TMEM132D: variants seen among roughly 807,000 people sequenced by gnomAD.
TMEM132D encodes mature OL transmembrane protein.
TMEM132D carries 21 observed loss-of-function variants against 62.3 expected under a neutral mutation model. That is an observed-to-expected ratio of 0.34 (90% CI 0.24 to 0.49). The LOEUF is 0.49. Among genes scored for constraint, TMEM132D ranks in the 20% least tolerant of loss-of-function variants. The probability of loss-of-function intolerance (pLI) is 0.99; values close to 1 mark genes in which losing one functional copy is unlikely to be tolerated. For synonymous variants in TMEM132D, 621 were observed against 575.6 expected (o/e 1.08, Z -1.13); for missense variants, 1,346 against 1,402.8 (o/e 0.96, Z 0.65).
chr12:129,213,343 AAAGTTTATCCAG>A lies in TMEM132D; in HGVS notation c.1300-3692_1300-3681del, dbSNP rs534947296. 3.8e-3 allele frequency among the ~76,000 whole-genome samples: 585 copies of A among 152,176 alleles called. 4 individuals carry two copies. Among genetic ancestry groups the A allele is most frequent in the African/African-American group, 0.013 (549 of 41,512 alleles). ...CCCTGTCTCTACAAACAAATAGAAAAAAGTTTATCCAGGTGTGATGGTACATGCCTGTAGTCC... is the reference window on the plus strand; with the variant it reads ...CCCTGTCTCTACAAACAAATAGAAAAGTGTGATGGTACATGCCTGTAGTCC... On this transcript the variant is annotated intron_variant, in intron 4 of 8. Transcript: ENST00000422113.
chr12:129,699,574 C>T (rs1881322632), intron 2 of TMEM132D, among the ~76,000 whole-genome samples: 1 of 152,190 alleles, frequency 6.6e-6, no homozygotes, highest in Admixed American at 6.5e-5. Flanking sequence ...AGCAGCCCCC[C>T]GGCTGCCCTA....
rs1876208908 is a variant in TMEM132D at position 129,126,235 on chromosome 12, A to G, written c.1444-41533T>C. ...AATCCCTCTATATTTATATCTATGG[A>G]TCCATATTCATATCTTATCTGTGGC... On this transcript the variant is annotated intron_variant, in intron 5 of 8. Coordinates refer to ENST00000422113, the MANE Select transcript of TMEM132D (RefSeq NM_133448.3). Among the ~76,000 whole-genome samples the G allele has an allele frequency of 2.0e-5, 3 of 152,232 alleles. No individual in the cohort carries two copies. The East Asian group carries it at 5.8e-4, about 29-fold the overall frequency.
chr12:129,609,609 C>A (rs1878716861), intron 2 of TMEM132D, among the ~76,000 whole-genome samples: 1 of 152,142 alleles, frequency 6.6e-6, no homozygotes, highest in Non-Finnish European at 1.5e-5. Flanking sequence ...AAATGCTGGG[C>A]TGGCAGGTGA....
At chr12:129,830,384 G>A (rs965209764) in intron 1 of TMEM132D, among the ~76,000 whole-genome samples, 1 of 152,074 alleles carries the variant, frequency 6.6e-6, no homozygotes, top group Non-Finnish European at 1.5e-5. Context: ...AACTGCCCAG[G>A]ACAAACCTGC....
chr12:129,508,886 A>C (rs1006684372), intron 3 of TMEM132D, among the ~76,000 whole-genome samples: 3 of 150,144 alleles, frequency 2.0e-5, no homozygotes, highest in African/African-American at 7.3e-5. Context: ...TTGCTACAGC[A>C]TGACAGACCC....
chr12:129,844,048 C>T (rs1873283543), intron 1 of TMEM132D, among the ~76,000 whole-genome samples: 1 of 152,150 alleles, frequency 6.6e-6, no homozygotes, highest in Admixed American at 6.5e-5. Flanking sequence ...CTGCAGTGAG[C>T]CATGATCATG....
At chr12:129,883,762 T>A (rs554975971) in intron 1 of TMEM132D, among the ~76,000 whole-genome samples, 1 of 152,236 alleles carries the variant, frequency 6.6e-6, no homozygotes, top group African/African-American at 2.4e-5. Flanking sequence ...CAGACAACCT[T>A]GACAAAAATG....
chr12:129,663,687 G>A (rs1880303302), intron 2 of TMEM132D, among the ~76,000 whole-genome samples: 2 of 152,294 alleles, frequency 1.3e-5, no homozygotes, highest in East Asian at 1.9e-4. Flanking sequence ...GGGTGACCAG[G>A]AATTACTTCT....
At chr12:129,397,963 T>C (rs573953789) in intron 3 of TMEM132D, among the ~76,000 whole-genome samples, 2 of 152,304 alleles carry the variant, frequency 1.3e-5, no homozygotes, top group East Asian at 1.9e-4. Flanking sequence ...GGGAAAATCC[T>C]AGAAAAACAG....
chr12:129,441,880 G>A (rs1348760345), intron 3 of TMEM132D, among the ~76,000 whole-genome samples: 3 of 152,176 alleles, frequency 2.0e-5, no homozygotes, highest in Admixed American at 6.5e-5. Flanking sequence ...GCAAAGTGGC[G>A]CAGAAACAGA....
intron 3 of TMEM132D, among the ~76,000 whole-genome samples, chr12:129,390,200 C>T (rs1175812619): frequency 6.6e-6 from 1 of 152,230 alleles, no homozygotes; most frequent in Non-Finnish European, 1.5e-5. Flanking sequence ...CCTTGGCCCA[C>T]GGGCCAGTTC....
At chr12:129,082,092 T>G in intron 6 of TMEM132D, 60 bp from the exon 7 acceptor site, 2 of 1,536,876 alleles carry the variant, frequency 1.3e-6, no homozygotes, top group Non-Finnish European at 1.8e-6. Flanking sequence ...TAAGGGGCCG[T>G]GTGTGGAGCC....
chr12:129,109,220 T>C (rs1393121554), intron 5 of TMEM132D, among the ~76,000 whole-genome samples: 1 of 152,166 alleles, frequency 6.6e-6, no homozygotes, highest in African/African-American at 2.4e-5. Flanking sequence ...TTTTTCCTTC[T>C]AGATAAAGGT....
intron 5 of TMEM132D, among the ~76,000 whole-genome samples, chr12:129,099,220 A>C (rs1279277858): frequency 6.6e-6 from 1 of 152,132 alleles, no homozygotes; most frequent in Non-Finnish European, 1.5e-5. Context: ...CTTTCCCCTA[A>C]GAAGAGGGGT....
chr12:129,750,768 G>T (rs35604986), intron 1 of TMEM132D, among the ~76,000 whole-genome samples: 2 of 152,096 alleles, frequency 1.3e-5, no homozygotes, highest in Non-Finnish European at 2.9e-5. Flanking sequence ...GCTGTGCTGC[G>T]CCATAGTAGG....
In TMEM132D at chr12:129,534,434, A is replaced by AT. The variant is rs561391305; in HGVS notation, c.969-3230_969-3229insA. Among the ~76,000 whole-genome samples, 1,148 of 150,052 alleles carry AT rather than the reference A, an allele frequency of 7.7e-3. 4 individuals are homozygous for AT. Among genetic ancestry groups the AT allele is most frequent in the Non-Finnish European group, 0.012 (785 of 67,466 alleles). ...TATATTTTATATACATATATATATAAAAATATATAAATGCAATTTGTATAT... is the reference window on the plus strand; with the variant it reads ...TATATTTTATATACATATATATATAATAAATATATAAATGCAATTTGTATAT... On this transcript the variant is annotated intron_variant, in intron 2 of 8. Transcript: ENST00000422113.
intron 3 of TMEM132D, among the ~76,000 whole-genome samples, chr12:129,464,235 G>A (rs1566077881): frequency 6.6e-6 from 1 of 152,132 alleles, no homozygotes; most frequent in Non-Finnish European, 1.5e-5. Context: ...GTGATGATGA[G>A]CATTTTTTCA....
At chr12:129,220,329 C>T (rs1159718139) in intron 4 of TMEM132D, among the ~76,000 whole-genome samples, 1 of 152,134 alleles carries the variant, frequency 6.6e-6, no homozygotes, top group Non-Finnish European at 1.5e-5. Flanking sequence ...TGGATGCCCA[C>T]ACACTTCCTT....
intron 3 of TMEM132D, among the ~76,000 whole-genome samples, chr12:129,452,176 A>C (rs1873311519): frequency 6.6e-6 from 1 of 152,238 alleles, no homozygotes; most frequent in South Asian, 2.1e-4. Flanking sequence ...CAGAACAGTG[A>C]AGAGAATGAT....
Sources: gnomAD v4.1 joint callset for allele counts (sites outside exome capture counted in the v4.1 genomes callset) on GRCh38, gnomAD v4.1.1 for gene constraint, MANE v1.5 for transcripts, NCBI Gene and HGNC (gene_info 2026-07-23, HGNC 2026-07-21) for gene names.